Variants in RASGRF2 observed in about 807,000 individuals in gnomAD.
RASGRF2 encodes the protein Ras protein specific guanine nucleotide releasing factor 2, also known as ras-specific guanine nucleotide-releasing factor 2.
In RASGRF2, 76 loss-of-function variants were observed where a neutral mutation model predicts 151.0. The ratio of observed to expected loss-of-function variants is 0.50; its 90% CI spans 0.42 to 0.61. The LOEUF is 0.61. RASGRF2 is among the 20% of genes least tolerant of loss of function. RASGRF2 has a pLI of 0.00. For synonymous variants in RASGRF2, 504 were observed against 566.5 expected (o/e 0.89, Z 1.57); for missense variants, 1,148 against 1,564.6 (o/e 0.73, Z 4.49).
At chr5:81,215,516 C>A (rs1035640166) in intron 23 of RASGRF2, among the ~76,000 whole-genome samples, 2 of 152,130 alleles carry the variant, frequency 1.3e-5, no homozygotes, top group East Asian at 3.9e-4. Context: ...GGTGATCAAC[C>A]CGCCTCAGCC....
intron 1 of RASGRF2, among the ~76,000 whole-genome samples, chr5:80,999,195 T>C (rs1043031314): frequency 3.9e-5 from 6 of 152,102 alleles, no homozygotes; most frequent in Non-Finnish European, 8.8e-5. Context: ...CTATTTAAGA[T>C]GGAAGAACCA....
At chr5:80,975,832 C>T (rs1305369500) in intron 1 of RASGRF2, among the ~76,000 whole-genome samples, 2 of 150,012 alleles carry the variant, frequency 1.3e-5, no homozygotes, top group Non-Finnish European at 3.0e-5. Context: ...AGTTGATGAA[C>T]ATTTAATTTA....
At chr5:80,976,713 G>A (rs1388517408) in intron 1 of RASGRF2, among the ~76,000 whole-genome samples, 3 of 152,188 alleles carry the variant, frequency 2.0e-5, no homozygotes, top group African/African-American at 7.2e-5. Flanking sequence ...GCCTGGCACT[G>A]AGGATGTAGA....
intron 17 of RASGRF2, among the ~76,000 whole-genome samples, chr5:81,138,227 A>G (rs1398920910): frequency 1.3e-5 from 2 of 152,096 alleles, no homozygotes; most frequent in Non-Finnish European, 2.9e-5. Context: ...ATGGACTGGC[A>G]TCTTGAAGCT....
In RASGRF2 at chr5:81,217,414, G is replaced by A; in HGVS notation, c.3493G>A (p.Glu1165Lys). Reference protein sequence around the residue: ...GMYLTDLAFIEEGTPNFTEEG... With the variant: ...GMYLTDLAFIKEGTPNFTEEG... ...GTACTTGACAGACCTGGCATTTATT[G>A]AAGAAGGAACACCAAACTTTACTGA... The change falls in exon 25 of 27, where the codon GAA becomes AAA. Residue 1165 changes from glutamate (E) to lysine (K), a missense_variant. Coordinates refer to ENST00000265080, the MANE Select transcript of RASGRF2 (RefSeq NM_006909.3). 6.2e-7 allele frequency: 1 copy of A among 1,613,450 alleles called. No individual in the cohort carries two copies. Among genetic ancestry groups the A allele is most frequent in the Non-Finnish European group, 8.5e-7 (1 of 1,179,820 alleles).
chr5:81,182,393 T>C lies in RASGRF2; in HGVS notation c.2793+2112T>C, dbSNP rs534519605. Among the ~76,000 whole-genome samples, 6 of 152,350 alleles carry C rather than the reference T, an allele frequency of 3.9e-5. No homozygotes were observed. In the East Asian group the frequency reaches 1.2e-3, roughly 29 times the overall value. ...TCAATGCCCTGGTGCAACCTTGTCA[T>C]GTGAATCTCCTGTCACCTTCCTCAT... On this transcript the variant is annotated intron_variant, in intron 18 of 26. Transcript: ENST00000265080.
chr5:81,183,800 T>C (rs1021846852), intron 18 of RASGRF2, among the ~76,000 whole-genome samples: 5 of 152,184 alleles, frequency 3.3e-5, no homozygotes, highest in Admixed American at 3.3e-4. Context: ...GGTGTTAGTT[T>C]CCTCTTCTGA....
chr5:81,179,386 T>TGGGAAACCGGTCACCAGAG (rs1268084045), intron 17 of RASGRF2, among the ~76,000 whole-genome samples: 2 of 152,204 alleles, frequency 1.3e-5, no homozygotes, highest in Non-Finnish European at 2.9e-5. Flanking sequence ...ATGAGGAATG[T>TGGGAAACCGGTCACCAGAG]GGGAAACCGG....
rs1755535435 is a variant in RASGRF2 at position 81,207,477 on chromosome 5, T to G, written c.3071+128T>G. 2.1e-5 allele frequency: 16 copies of G among 764,192 alleles called. No individual in the cohort carries two copies. The South Asian group carries it at 2.7e-4, about 13-fold the overall frequency. The allele number at this position is 764,192 out of a possible 1,614,324, so 47.3% of individuals were successfully genotyped here. On this transcript the variant is annotated intron_variant, in intron 21 of 26. Coordinates refer to ENST00000265080, the MANE Select transcript of RASGRF2 (RefSeq NM_006909.3). Reference sequence around the variant, plus strand: ...CCTGTGTGAGTATCTACCAGTTGTTTCCATCCATGGAACTGGCACGCCTCT... The same window carrying G: ...CCTGTGTGAGTATCTACCAGTTGTTGCCATCCATGGAACTGGCACGCCTCT...
chr5:80,996,655 A>G (rs1166797030), intron 1 of RASGRF2, among the ~76,000 whole-genome samples: 1 of 145,250 alleles, frequency 6.9e-6, no homozygotes, highest in African/African-American at 2.6e-5. Flanking sequence ...GCTGAAGTGC[A>G]GTGGCGCAAT....
chr5:81,098,240 C>T (rs1752601427), intron 12 of RASGRF2, among the ~76,000 whole-genome samples: 1 of 152,176 alleles, frequency 6.6e-6, no homozygotes, highest in African/African-American at 2.4e-5. Context: ...ATGGAGATAT[C>T]TGCTGGGAAA....
chr5:81,140,737 C>A (rs1753865847), intron 17 of RASGRF2, among the ~76,000 whole-genome samples: 1 of 152,210 alleles, frequency 6.6e-6, no homozygotes, highest in South Asian at 2.1e-4. Context: ...CTTTCCCTTC[C>A]CAGGCTCCCT....
intron 26 of RASGRF2, among the ~76,000 whole-genome samples, chr5:81,222,482 T>G (rs1755876264): frequency 6.6e-6 from 1 of 152,252 alleles, no homozygotes; most frequent in African/African-American, 2.4e-5. Flanking sequence ...AAGTATCACT[T>G]AGGAAGACTT....
chr5:81,029,374 T>G (rs1750155034), intron 1 of RASGRF2, among the ~76,000 whole-genome samples: 1 of 152,196 alleles, frequency 6.6e-6, no homozygotes, highest in South Asian at 2.1e-4. Context: ...GACCCCCGAG[T>G]AGCCCAATTG....
intron 1 of RASGRF2, among the ~76,000 whole-genome samples, chr5:81,037,440 GCTT>G (rs2112381608): frequency 6.6e-6 from 1 of 152,112 alleles, no homozygotes. Flanking sequence ...TTTTTATGTG[GCTT>G]CTTTATTTTC....
At chr5:80,961,868 C>G (rs1421660900) in intron 1 of RASGRF2, among the ~76,000 whole-genome samples, 1 of 152,172 alleles carries the variant, frequency 6.6e-6, no homozygotes, top group Non-Finnish European at 1.5e-5. Context: ...TTGTATGTTT[C>G]CAATCACCGT....
chr5:81,186,711 C>G (rs1365954442), intron 18 of RASGRF2, among the ~76,000 whole-genome samples: 1 of 152,188 alleles, frequency 6.6e-6, no homozygotes, highest in African/African-American at 2.4e-5. Context: ...ACACTCTAGT[C>G]ACTCATAGCA....
intron 17 of RASGRF2, among the ~76,000 whole-genome samples, chr5:81,137,907 C>G (rs1399054600): frequency 6.6e-6 from 1 of 152,188 alleles, no homozygotes; most frequent in Non-Finnish European, 1.5e-5. Context: ...GAGACCCAGA[C>G]AGGTTATATC....
intron 1 of RASGRF2, among the ~76,000 whole-genome samples, chr5:80,969,322 G>T (rs529947048): frequency 1.3e-5 from 2 of 151,232 alleles, no homozygotes; most frequent in African/African-American, 2.4e-5. Context: ...TTTTAGTAGA[G>T]ACAGGGTTTC....
Sources: gnomAD v4.1 joint callset for allele counts (sites outside exome capture counted in the v4.1 genomes callset) on GRCh38, gnomAD v4.1.1 for gene constraint, MANE v1.5 for transcripts, NCBI Gene and HGNC (gene_info 2026-07-23, HGNC 2026-07-21) for gene names.